CFAP47: variants seen among roughly 807,000 people sequenced by gnomAD.
The protein encoded by CFAP47 is cilia- and flagella-associated protein 47.
CFAP47 carries 29 observed loss-of-function variants against 148.1 expected under a neutral mutation model. The ratio of observed to expected loss-of-function variants is 0.20; its 90% CI spans 0.15 to 0.27. The LOEUF (loss-of-function observed/expected upper bound fraction) is 0.27, where lower values mean the gene tolerates loss of function less well. Among genes scored for constraint, CFAP47 ranks in the 10% least tolerant of loss-of-function variants. The probability of loss-of-function intolerance (pLI) is 1.00; values close to 1 mark genes in which losing one functional copy is unlikely to be tolerated. For synonymous variants in CFAP47, 664 were observed against 577.3 expected (o/e 1.15, Z -2.15); for missense variants, 1,872 against 1,697.5 (o/e 1.10, Z -1.81).
intron 35 of CFAP47, among the ~76,000 whole-genome samples, chrX:36,141,567 C>A (rs187800261): frequency 2.1e-3 from 232 of 111,475 alleles, no homozygotes; most frequent in Middle Eastern, 4.6e-3. Context: ...CTTTACCAGC[C>A]ATTTAGGTAT....
chrX:36,235,700 G>T (rs28668173), intron 46 of CFAP47, among the ~76,000 whole-genome samples: 16,778 of 111,873 alleles, frequency 0.15, 3,020 homozygotes, highest in African/African-American at 0.51. Context: ...GAAATCACCC[G>T]TCTTCTGCAT....
intron 61 of CFAP47, among the ~76,000 whole-genome samples, chrX:36,364,413 C>A (rs1941853325): frequency 1.9e-5 from 2 of 103,661 alleles, no homozygotes; most frequent in Admixed American, 2.1e-4. Context: ...AATGAATAAG[C>A]AAGAAAGTAA....
At chrX:35,971,450 T>G (rs1161798066) in intron 11 of CFAP47, 136 bp from the exon 12 acceptor site, 1 of 399,541 alleles carries the variant, frequency 2.5e-6, no homozygotes, top group East Asian at 4.0e-5. Flanking sequence ...TTTATGTGGA[T>G]TAGTGCACCA....
At chrX:36,090,897 G>A (rs1938173196) in intron 30 of CFAP47, among the ~76,000 whole-genome samples, 1 of 111,308 alleles carries the variant, frequency 9.0e-6, no homozygotes, top group South Asian at 3.7e-4. Context: ...ATTAAGTTTA[G>A]CATTTAATAA....
intron 22 of CFAP47, among the ~76,000 whole-genome samples, chrX:36,017,888 C>T (rs1296731245): frequency 9.0e-6 from 1 of 110,959 alleles, no homozygotes; most frequent in Non-Finnish European, 1.9e-5. Flanking sequence ...ATTGATTTTT[C>T]AATTTCTGTG....
At chrX:35,935,897 T>C (rs931870167) in intron 2 of CFAP47, among the ~76,000 whole-genome samples, 1 of 111,518 alleles carries the variant, frequency 9.0e-6, no homozygotes, top group African/African-American at 3.3e-5. Context: ...TTTCTCTATA[T>C]GGAACACATT....
chrX:36,149,370 TCTACAATTC>T (rs1175329308), intron 37 of CFAP47, 147 bp downstream of exon 37: 1 of 257,912 alleles, frequency 3.9e-6, no homozygotes, highest in Non-Finnish European at 6.8e-6. Context: ...TTCGTATGTT[TCTACAATTC>T]CTCACCAAAG....
intron 45 of CFAP47, among the ~76,000 whole-genome samples, chrX:36,221,827 A>G (rs782167052): frequency 9.0e-6 from 1 of 111,609 alleles, no homozygotes; most frequent in Non-Finnish European, 1.9e-5. Context: ...TATAAAGCCA[A>G]AATCAATTAA....
intron 42 of CFAP47, among the ~76,000 whole-genome samples, chrX:36,195,068 T>G (rs1939905720): frequency 8.8e-6 from 1 of 113,131 alleles, no homozygotes; most frequent in East Asian, 2.8e-4. Context: ...GGGACATCCT[T>G]GTCCTTGACA....
At chrX:36,383,320 T>C (rs1244258786) in intron 63 of CFAP47, among the ~76,000 whole-genome samples, 2 of 111,940 alleles carry the variant, frequency 1.8e-5, no homozygotes, top group African/African-American at 6.5e-5. Flanking sequence ...TGAATAAGGA[T>C]ATAGATCCCT....
chrX:36,025,987 TTGTC>T (rs1254706102), intron 22 of CFAP47, among the ~76,000 whole-genome samples: 1 of 111,949 alleles, frequency 8.9e-6, no homozygotes, highest in Non-Finnish European at 1.9e-5. Flanking sequence ...TAGAATGTCT[TTGTC>T]AGCTAGAGGG....
At chrX:36,122,410 C>G (rs1569265632) in intron 33 of CFAP47, among the ~76,000 whole-genome samples, 1 of 111,218 alleles carries the variant, frequency 9.0e-6, no homozygotes, top group Non-Finnish European at 1.9e-5. Context: ...TCTTTCTCTA[C>G]CTCCTCTCTA....
intron 60 of CFAP47, 28 bp from the exon 61 acceptor site, chrX:36,361,302 A>G: frequency 2.3e-6 from 2 of 883,283 alleles, no homozygotes; most frequent in Non-Finnish European, 3.2e-6. Flanking sequence ...AATTAAATTG[A>G]AATATATTTT....
At chrX:36,046,320 T>C (rs1162763613) in intron 25 of CFAP47, among the ~76,000 whole-genome samples, 2 of 110,731 alleles carry the variant, frequency 1.8e-5, no homozygotes, top group African/African-American at 6.5e-5. Context: ...GGAATGGCTA[T>C]AAAAAGTATA....
At chrX:35,976,032 C>T in intron 15 of CFAP47, 119 bp downstream of exon 15, 2 of 678,764 alleles carry the variant, frequency 2.9e-6, no homozygotes, top group South Asian at 5.4e-5. Context: ...AGAAGTAAAT[C>T]AGATACTGTC....
At chrX:36,282,101 G>A (rs1332945772) in intron 50 of CFAP47, among the ~76,000 whole-genome samples, 2 of 110,836 alleles carry the variant, frequency 1.8e-5, no homozygotes, top group African/African-American at 6.5e-5. Flanking sequence ...GCAAAGTTTT[G>A]TACTTCATGA....
intron 39 of CFAP47, among the ~76,000 whole-genome samples, chrX:36,175,518 G>C (rs1939660350): frequency 9.0e-6 from 1 of 111,554 alleles, no homozygotes; most frequent in African/African-American, 3.3e-5. Flanking sequence ...CCTTCTAACA[G>C]ACCGGACCCT....
chrX:36,132,753 T>C (rs1938970944), intron 33 of CFAP47, among the ~76,000 whole-genome samples: 1 of 111,945 alleles, frequency 8.9e-6, no homozygotes, highest in Non-Finnish European at 1.9e-5. Context: ...ATTGTCATCC[T>C]ATTCTTACTG....
intron 37 of CFAP47, 111 bp downstream of exon 37, chrX:36,149,334 G>C: frequency 3.7e-6 from 1 of 270,885 alleles, no homozygotes; most frequent in Non-Finnish European, 6.5e-6. Context: ...TTAATGAAAC[G>C]ATTGTCACTC....
Sources: allele counts gnomAD v4.1 joint callset (sites outside exome capture counted in the v4.1 genomes callset), GRCh38; gene constraint gnomAD v4.1.1; transcripts MANE v1.5; gene names NCBI Gene and HGNC (gene_info 2026-07-23, HGNC 2026-07-21).